The following MAN2B1 variants were observed in gnomAD, a reference collection of about 807,000 sequenced individuals.
MAN2B1 encodes mannosidase alpha class 2B member 1.
In MAN2B1, 99 loss-of-function variants were observed where a neutral mutation model predicts 127.5. The ratio of observed to expected loss-of-function variants is 0.78; its 90% CI spans 0.66 to 0.92. The LOEUF is 0.92. MAN2B1 is among the 40% of genes least tolerant of loss of function. The pLI is 0.00. For missense variants in MAN2B1, 1,304 were observed against 1,384.8 expected, an observed-to-expected ratio of 0.94 and a Z score of 0.93; for synonymous variants, 573 against 568.8, an observed-to-expected ratio of 1.01 and a Z score of -0.11.
chr19:12,659,330 C>T (rs186868708), intron 7 of MAN2B1, among the ~76,000 whole-genome samples: 1 of 133,164 alleles, frequency 7.5e-6, no homozygotes, highest in African/African-American at 2.9e-5. Flanking sequence ...GAGACTGAGT[C>T]TGACTCTGTC....
intron 10 of MAN2B1, 55 bp from the exon 11 acceptor site, chr19:12,657,610 A>G (rs2024000058): frequency 2.7e-6 from 4 of 1,457,776 alleles, no homozygotes; most frequent in East Asian, 4.9e-5. Flanking sequence ...TGAGACCCCA[A>G]GGGGAAGCGA....
chr19:12,650,219 G>C lies in MAN2B1; in HGVS notation c.2050C>G (p.Pro684Ala). The C allele has an allele frequency of 6.2e-7, 1 of 1,605,728 alleles. No individual in the cohort carries two copies. Among genetic ancestry groups the C allele is most frequent in the Non-Finnish European group, 8.5e-7 (1 of 1,172,814 alleles). Residue 684 changes from proline (P) to alanine (A), a missense_variant, in exon 17 of 24, where the codon CCC (proline) becomes GCC (alanine). Coordinates refer to ENST00000456935, the MANE Select transcript of MAN2B1 (RefSeq NM_000528.4). ...RWAQIHLVKT[P>A]LVQEVHQNFS... ...TTCTGGTGCACCTCCTGCACCAAGG[G>C]TGTCTGCGGGCACACGGGTGAGGTG... is the stretch of plus-strand genomic sequence containing the variant.
In MAN2B1 at chr19:12,663,501, C is replaced by T. The variant is rs761156287; in HGVS notation, c.764-39G>A. On this transcript the variant is annotated intron_variant, in intron 5 of 23. Coordinates refer to ENST00000456935, the MANE Select transcript of MAN2B1 (RefSeq NM_000528.4). ...CAAGTTCAAGGGGTGGCCCATCACC[C>T]AGACCTTCCCTGGTTTCAAAGCCGG... 1.2e-5 allele frequency: 20 copies of T among 1,609,936 alleles called. 1 individual carries two copies. The South Asian group carries it at 2.2e-4, about 18-fold the overall frequency.
Position 12,648,288 on chromosome 19 carries a change from C to T in MAN2B1, c.2551G>A (p.Ala851Thr), listed in dbSNP as rs528323073. 5.0e-6 allele frequency: 8 copies of T among 1,611,788 alleles called. No individual in the cohort carries two copies. The South Asian group carries it at 8.8e-5, about 18-fold the overall frequency. ...AGGAGCCGGTGTCCGGCGGCTGCAG[C>T]CTGGGCTGTGTCCAGCAGCACCAGG... ...RHLVLLDTAQ[A>T]AAAGHRLLAE... Residue 851 changes from alanine (A) to threonine (T), a missense_variant, in exon 21 of 24, where the codon GCT becomes ACT. Transcript: ENST00000456935.
rs755806804 is a variant in MAN2B1 at position 12,663,824 on chromosome 19, G to T, written c.642C>A (p.Asp214Glu). The change falls in exon 5 of 24, where the codon GAC (aspartate) becomes GAA (glutamate). Residue 214 changes from aspartate (D) to glutamate (E), a missense_variant. Transcript: ENST00000456935. ...QASLFAQMGFDGFFFGRLDYQ... is the reference protein window; with the variant it reads ...QASLFAQMGFEGFFFGRLDYQ... Reference sequence around the variant, plus strand: ...AATCAAGGCGCCCAAAGAAGAAGCCGTCGAAGCCCATCTGGGGATGAGGGA... The same window carrying T: ...AATCAAGGCGCCCAAAGAAGAAGCCTTCGAAGCCCATCTGGGGATGAGGGA... The T allele has an allele frequency of 6.2e-7, 1 of 1,614,152 alleles. No homozygotes were observed. The highest frequency in any genetic ancestry group is 8.5e-7 in the Non-Finnish European group (1 of 1,180,036).
In MAN2B1 at chr19:12,647,102, G is replaced by C; in HGVS notation, c.2923+131C>G. The C allele has an allele frequency of 1.2e-6, 1 of 852,500 alleles. No homozygotes were observed. Among genetic ancestry groups the C allele is most frequent in the South Asian group, 1.4e-5 (1 of 69,354 alleles). The allele number at this position is 852,500 out of a possible 1,614,324, so 52.8% of individuals were successfully genotyped here. ...TCAGATCCTTTAAGCCCCTAACCTG[G>C]GTCTGGACTCTGCCCCATACCCTCA... On this transcript the variant is annotated intron_variant, in intron 23 of 23. Coordinates refer to ENST00000456935, the MANE Select transcript of MAN2B1 (RefSeq NM_000528.4). The surrounding 1 kb of genome is among the most constrained non-coding windows in gnomAD (Gnocchi z 4.9).
chr19:12,651,758 G>A (rs1180563763), intron 16 of MAN2B1, among the ~76,000 whole-genome samples: 1 of 152,096 alleles, frequency 6.6e-6, no homozygotes, highest in East Asian at 1.9e-4. Flanking sequence ...ATCAATCCAA[G>A]GGTGGACTCT....
chr19:12,660,054 C>G (rs1240032298), intron 7 of MAN2B1, among the ~76,000 whole-genome samples: 1 of 152,044 alleles, frequency 6.6e-6, no homozygotes, highest in East Asian at 1.9e-4. Context: ...CCACAGGCCA[C>G]TTAGTGCAAA....
rs1235842171 is a variant in MAN2B1, at chr19:12,655,740, G to T, written c.1784C>A (p.Pro595His). The T allele has an allele frequency of 6.2e-7, 1 of 1,609,262 alleles. No homozygotes were observed. The highest frequency in any genetic ancestry group is 1.1e-5 in the South Asian group (1 of 90,896). Residue 595 changes from proline (P) to histidine (H), a missense_variant, in exon 14 of 24, where the codon CCC (proline) becomes CAC (histidine). Coordinates refer to ENST00000456935, the MANE Select transcript of MAN2B1 (RefSeq NM_000528.4). ...RWKPQARAPQ[P>H]IPRRSWSPAL... ...AGGGGACCAGGATCTTCTGGGGATG[G>T]GCTGTGGTGCGCGGGCCTGGGGCTT...
Position 12,663,725 on chromosome 19 carries a change from G to A in MAN2B1, c.741C>T (p.Pro247=). Residue 247 remains proline, a synonymous_variant, in exon 5 of 24, where the codon CCC becomes CCT. Transcript: ENST00000456935. ...TACCAGTGAAGAGGTCCGCGGTCGG[G>A]GGCTTCAGGCTGGTGCTGGCCCGCC... ...QVWRASTSLK[P]PTADLFTGVL... The A allele has an allele frequency of 6.2e-7, 1 of 1,613,334 alleles. No individual in the cohort carries two copies. The highest frequency in any genetic ancestry group is 1.1e-5 in the South Asian group (1 of 91,038).
Position 12,655,209 on chromosome 19 carries a change from T to C in MAN2B1, c.1830+485A>G, listed in dbSNP as rs1039354853. Among the ~76,000 whole-genome samples the C allele has an allele frequency of 3.9e-5, 6 of 152,170 alleles. No individual in the cohort carries two copies. In the East Asian group the frequency reaches 1.2e-3, roughly 29 times the overall value. ...AAAGCCAAAGTCTTCCTGTTGGTCC[T>C]CAAGGCCCTCAAGGTCTGACCTGTC... On this transcript the variant is annotated intron_variant, in intron 14 of 23. Coordinates refer to ENST00000456935, the MANE Select transcript of MAN2B1 (RefSeq NM_000528.4).
Position 12,647,073 on chromosome 19 carries a change from CA to C in MAN2B1, c.2923+159del. 1.5e-6 allele frequency: 1 copy of C among 685,226 alleles called. No individual in the cohort carries two copies. Among genetic ancestry groups the C allele is most frequent in the East Asian group, 2.6e-5 (1 of 37,860 alleles). 42.4% of individuals were successfully genotyped at this position (685,226 alleles called of 1,614,324 possible). A position where few individuals can be genotyped will look rare whatever the true frequency, so the allele number is the denominator to read the frequency against. On this transcript the variant is annotated intron_variant, in intron 23 of 23. Coordinates refer to ENST00000456935, the MANE Select transcript of MAN2B1 (RefSeq NM_000528.4). This position sits in a 1 kb window ranked among gnomAD's most constrained non-coding sequence, Gnocchi z 4.9. The stretch of plus-strand genomic sequence containing the variant: ...AGACCCATTCCTGGTTTGCCGCACC[CA>C]TTTCAGATCCTTTAAGCCCCTAACC...
chr19:12,651,351 G>A (rs889838269), intron 16 of MAN2B1, among the ~76,000 whole-genome samples: 3 of 152,134 alleles, frequency 2.0e-5, no homozygotes, highest in Admixed American at 6.6e-5. Context: ...AAACACAAAT[G>A]TGGCGGCTGG....
chr19:12,665,782 G>A lies in MAN2B1; in HGVS notation c.183C>T (p.Asn61=), dbSNP rs2145290875. ...GAGGCAGCAGGTGCACGTTCAGCATGTTCGGCTGCACTGTGGGGCATGTCT... is the reference window on the plus strand; with the variant it reads ...GAGGCAGCAGGTGCACGTTCAGCATATTCGGCTGCACTGTGGGGCATGTCT... The part of the protein sequence containing the change: ...GYETCPTVQP[N]MLNVHLLPHT... The change falls in exon 2 of 24, where the codon AAC becomes AAT. Residue 61 remains asparagine, a synonymous_variant. Transcript: ENST00000456935. The A allele has an allele frequency of 6.2e-7, 1 of 1,614,068 alleles. No individual in the cohort carries two copies.
chr19:12,665,984 T>G (rs536666987), intron 1 of MAN2B1, among the ~76,000 whole-genome samples, 179 bp from the exon 2 acceptor site: 1 of 152,132 alleles, frequency 6.6e-6, no homozygotes, highest in Non-Finnish European at 1.5e-5. Flanking sequence ...TAGATACAAC[T>G]CCACTTTGCA....
intron 18 of MAN2B1, 67 bp downstream of exon 18, chr19:12,649,846 T>TG: frequency 7.5e-7 from 1 of 1,330,394 alleles, no homozygotes; most frequent in Non-Finnish European, 1.1e-6. Flanking sequence ...TCAGCAAATT[T>TG]CCCTCACCAC....
chr19:12,657,888 G>A, intron 10 of MAN2B1, 175 bp downstream of exon 10: 2 of 673,294 alleles, frequency 3.0e-6, no homozygotes, highest in South Asian at 3.7e-5. Flanking sequence ...ACGGGAGGTG[G>A]AGCTTGCAGT....
chr19:12,656,142 G>C, intron 13 of MAN2B1: 1 of 449,182 alleles, frequency 2.2e-6, no homozygotes. Context: ...CTTGAGGCAG[G>C]TTCTCGGGGG....
At chr19:12,666,177 C>G (rs559333683) in intron 1 of MAN2B1, among the ~76,000 whole-genome samples, 1 of 152,080 alleles carries the variant, frequency 6.6e-6, no homozygotes, top group Non-Finnish European at 1.5e-5. Flanking sequence ...GTCACACACT[C>G]AGGAAGTGTA....
Sources: gnomAD v4.1 joint callset for allele counts (sites outside exome capture counted in the v4.1 genomes callset) on GRCh38, gnomAD v4.1.1 for gene constraint, Gnocchi (gnomAD v3.1) non-coding constraint, MANE v1.5 for transcripts, NCBI Gene and HGNC (gene_info 2026-07-23, HGNC 2026-07-21) for gene names.